The following PHF19 variants were observed in gnomAD, a reference collection of about 807,000 sequenced individuals.
The protein encoded by PHF19 is PHD finger protein 19, also known as polycomb like 3.
In PHF19, 21 loss-of-function variants were observed where a neutral mutation model predicts 79.8. The ratio of observed to expected loss-of-function variants is 0.26; its 90% confidence interval spans 0.19 to 0.38. The LOEUF (loss-of-function observed/expected upper bound fraction) is 0.38. Among genes scored for constraint, PHF19 ranks in the 10% least tolerant of loss-of-function variants. PHF19 has a pLI of 1.00. For synonymous variants in PHF19, 273 were observed against 296.3 expected (o/e 0.92, Z 0.81); for missense variants, 445 against 744.2 (o/e 0.60, Z 4.68).
chr9:120,898,195 C>T (rs767556679), upstream of PHF19, among the ~76,000 whole-genome samples: 1 of 152,194 alleles, frequency 6.6e-6, no homozygotes, highest in Non-Finnish European at 1.5e-5. Flanking sequence ...CAGTTCACTG[C>T]AATCTCCGCC....
chr9:120,870,774 G>A lies in PHF19; in HGVS notation c.269-236C>T, dbSNP rs1386075924. Among the ~76,000 whole-genome samples the A allele has an allele frequency of 2.6e-5, 4 of 152,004 alleles. No individual in the cohort carries two copies. Among genetic ancestry groups the A allele is most frequent in the Non-Finnish European group, 5.9e-5 (4 of 68,004 alleles). ...CTTAGCTAGTAAGTAGGTGAGGGGG[G>A]GATTAAACCCATGGCTGTTTGACAT... On this transcript the variant is annotated intron_variant, in intron 3 of 14. Transcript: ENST00000373896. The surrounding 1 kb of genome is among the most constrained non-coding windows in gnomAD (Gnocchi z 4.4).
upstream of PHF19, among the ~76,000 whole-genome samples, chr9:120,897,390 TG>T (rs2046411396): frequency 6.6e-6 from 1 of 152,126 alleles, no homozygotes; most frequent in Non-Finnish European, 1.5e-5. Flanking sequence ...TGAAGATATG[TG>T]GGTGTGTATG....
At position 120,869,722 on chromosome 9, in the gene PHF19, A is replaced by G. The variant is rs760134545; in HGVS notation, c.465+123T>C. 1.3e-6 allele frequency: 2 copies of G among 1,563,016 alleles called. No homozygotes were observed. Among genetic ancestry groups the G allele is most frequent in the Middle Eastern group, 1.7e-4 (1 of 6,022 alleles). On this transcript the variant is annotated intron_variant, in intron 5 of 14. Coordinates refer to ENST00000373896, the MANE Select transcript of PHF19 (RefSeq NM_015651.3). This position sits in a 1 kb window ranked among gnomAD's most constrained non-coding sequence, Gnocchi z 5.8. ...GGCCAAGGACAGTGGCAGAGGCGCT[A>G]TCTGTCTCCAAAGCCCAGGTGTGGC...
upstream of PHF19, among the ~76,000 whole-genome samples, chr9:120,897,201 AG>A (rs2046410232): frequency 6.6e-6 from 1 of 152,248 alleles, no homozygotes; most frequent in South Asian, 2.1e-4. Flanking sequence ...CCCCATTGGC[AG>A]GGAGATGGCA....
At position 120,882,577 on chromosome 9, in the gene PHF19, C is replaced by G. The variant is rs146734992; in HGVS notation, c.43-7821G>C. 1.2e-3 allele frequency among the ~76,000 whole-genome samples: 183 copies of G among 152,312 alleles called. 3 individuals are homozygous for G. In the East Asian group the frequency reaches 0.031, roughly 26 times the overall value. ...TGCTCTACAGCCAGGCACAGTGGCTCATGCCTGTAATCCCAGCACTTTGAG... is the reference window on the plus strand; with the variant it reads ...TGCTCTACAGCCAGGCACAGTGGCTGATGCCTGTAATCCCAGCACTTTGAG... On this transcript the variant is annotated intron_variant, in intron 1 of 14. Coordinates refer to the PHF19 transcript ENST00000616568.
At chr9:120,887,621 A>AAC (rs764204141) in intron 1 of PHF19, among the ~76,000 whole-genome samples, 1,461 of 113,568 alleles carry the variant, frequency 0.013, 17 homozygotes, top group African/African-American at 0.034. Flanking sequence ...TTTATGAACA[A>AAC]ACACACACAC....
chr9:120,862,482 G>C lies in PHF19; in HGVS notation c.1130+106C>G. On this transcript the variant is annotated intron_variant, in intron 11 of 14. Coordinates refer to ENST00000373896, the MANE Select transcript of PHF19 (RefSeq NM_015651.3). The surrounding 1 kb of genome is among the most constrained non-coding windows in gnomAD (Gnocchi z 4.6). ...GCTCAGCCACTATCTAGCCCTCTCA[G>C]GGTCCTACAGCTGGGACTGGCTGGG... 1.1e-6 allele frequency: 1 copy of C among 941,582 alleles called. No individual in the cohort carries two copies. The highest frequency in any genetic ancestry group is 1.7e-6 in the Non-Finnish European group (1 of 603,178). 58.3% of individuals were successfully genotyped at this position (941,582 alleles called of 1,614,324 possible). A position where few individuals can be genotyped will look rare whatever the true frequency, so the allele number is the denominator to read the frequency against.
At chr9:120,873,924 G>A in intron 3 of PHF19, 55 bp downstream of exon 3, 3 of 858,354 alleles carry the variant, frequency 3.5e-6, no homozygotes, top group Non-Finnish European at 6.0e-6. Flanking sequence ...GAAGGCAGCA[G>A]AGGAGAGAAG....
chr9:120,865,926 G>A (rs1226617050), intron 8 of PHF19, 96 bp from the exon 9 acceptor site: 6 of 1,592,788 alleles, frequency 3.8e-6, no homozygotes, highest in African/African-American at 1.3e-5. Context: ...ACAGGGGCAG[G>A]GTTGGGACCC....
chr9:120,887,242 G>T (rs1262839909), intron 1 of PHF19, among the ~76,000 whole-genome samples: 1 of 150,970 alleles, frequency 6.6e-6, no homozygotes, highest in Non-Finnish European at 1.5e-5. Context: ...ATCACCTGAG[G>T]TCAGGATTTC....
intron 1 of PHF19, among the ~76,000 whole-genome samples, chr9:120,882,888 T>G (rs1159232538): frequency 2.0e-5 from 3 of 151,620 alleles, no homozygotes; most frequent in Middle Eastern, 3.4e-3. Context: ...CACAAGAGGC[T>G]TTTCACAAAT....
At chr9:120,876,517 C>G (rs1020436131) in intron 1 of PHF19, 2 of 152,052 alleles carry the variant, frequency 1.3e-5, no homozygotes, top group African/African-American at 4.8e-5. Context: ...CTGATTCAAA[C>G]CCATTTGCAA....
upstream of PHF19, among the ~76,000 whole-genome samples, chr9:120,878,985 G>C (rs898766805): frequency 2.6e-5 from 4 of 152,164 alleles, no homozygotes; most frequent in East Asian, 5.8e-4. Flanking sequence ...ATGATAGAGC[G>C]AAGTGCTCAC....
chr9:120,869,764 C>T lies in PHF19; in HGVS notation c.465+81G>A, dbSNP rs1168122359. On this transcript the variant is annotated intron_variant, in intron 5 of 14. Coordinates refer to ENST00000373896, the MANE Select transcript of PHF19 (RefSeq NM_015651.3). This position sits in a 1 kb window ranked among gnomAD's most constrained non-coding sequence, Gnocchi z 5.8. ...AGGTGTGGCCCTTCTGCTTGGAGCT[C>T]AGACTCTGTGATGGGAGTCTCTGGT... The T allele has an allele frequency of 1.3e-6, 2 of 1,599,464 alleles. No homozygotes were observed. The highest frequency in any genetic ancestry group is 1.1e-5 in the South Asian group (1 of 88,118).
In PHF19 at chr9:120,866,547, C is replaced by T. The variant is rs2045708237; in HGVS notation, c.710+323G>A. ...CAGTGACTCCCACAGCAACCCTGGG[C>T]AGGGCTGGCGCAAGGACTGTGTCAT... On this transcript the variant is annotated intron_variant, in intron 7 of 14. Transcript: ENST00000373896. This position sits in a 1 kb window ranked among gnomAD's most constrained non-coding sequence, Gnocchi z 5.2. Among the ~76,000 whole-genome samples the T allele has an allele frequency of 6.6e-6, 1 of 152,252 alleles. No homozygotes were observed. Among genetic ancestry groups the T allele is most frequent in the African/African-American group, 2.4e-5 (1 of 41,472 alleles).
the PHF19 span, among the ~76,000 whole-genome samples, chr9:120,901,760 G>C: frequency 3.9e-5 from 6 of 152,188 alleles, no homozygotes; most frequent in Non-Finnish European, 7.3e-5. Context: ...GCTGTTAAGT[G>C]ATGAGGATCA....
chr9:120,878,937 G>A (rs2046136251), upstream of PHF19, among the ~76,000 whole-genome samples: 1 of 152,198 alleles, frequency 6.6e-6, no homozygotes, highest in Non-Finnish European at 1.5e-5. Context: ...TAGCTTCTAA[G>A]CTGGCTGGGT....
chr9:120,878,387 C>A (rs1242184203), upstream of PHF19, among the ~76,000 whole-genome samples: 1 of 152,190 alleles, frequency 6.6e-6, no homozygotes, highest in Non-Finnish European at 1.5e-5. Context: ...AGGAAGAACA[C>A]TTACCAATAA....
At chr9:120,885,864 C>T (rs2046255996) in intron 1 of PHF19, among the ~76,000 whole-genome samples, 1 of 152,166 alleles carries the variant, frequency 6.6e-6, no homozygotes, top group Admixed American at 6.5e-5. Context: ...TGGAGGAATA[C>T]CTAAGTGACC....
Sources: allele counts gnomAD v4.1 joint callset (sites outside exome capture counted in the v4.1 genomes callset), GRCh38; gene constraint gnomAD v4.1.1; non-coding constraint Gnocchi (gnomAD v3.1); transcripts MANE v1.5; gene names NCBI Gene and HGNC (gene_info 2026-07-23, HGNC 2026-07-21).